The following DYM variants were observed in gnomAD, a reference collection of about 807,000 sequenced individuals.
DYM encodes the protein dymeclin, also known as dyggve-Melchior-Clausen syndrome protein.
In DYM, 78 loss-of-function variants were observed where a neutral mutation model predicts 93.1. The ratio of observed to expected loss-of-function variants is 0.84; its 90% CI spans 0.70 to 1.01. The LOEUF (loss-of-function observed/expected upper bound fraction) is 1.01, where lower values mean the gene tolerates loss of function less well. Ranked by LOEUF, DYM falls within the 50% of genes least tolerant of loss-of-function variation. DYM has a pLI of 0.00. For synonymous variants in DYM, 321 were observed against 319.7 expected (o/e 1.00, Z -0.04); for missense variants, 789 against 845.0 (o/e 0.93, Z 0.82).
intron 14 of DYM, among the ~76,000 whole-genome samples, chr18:49,185,945 C>T (rs567575074): frequency 2.0e-4 from 31 of 152,268 alleles, no homozygotes; most frequent in African/African-American, 7.0e-4. Flanking sequence ...AAATCTGACA[C>T]CTTCCTGTTT....
intron 3 of DYM, among the ~76,000 whole-genome samples, chr18:49,386,240 T>C (rs1027932828): frequency 1.3e-5 from 2 of 152,002 alleles, no homozygotes; most frequent in Non-Finnish European, 2.9e-5. Flanking sequence ...CAGAAGGCAG[T>C]AGAATAATAT....
intron 2 of DYM, among the ~76,000 whole-genome samples, chr18:49,414,331 GA>G (rs1251503630): frequency 1.3e-5 from 2 of 151,864 alleles, no homozygotes; most frequent in African/African-American, 2.4e-5. Context: ...AGGACCAGAC[GA>G]AAAAACAATA....
rs185992859 is a variant in DYM, at chr18:49,103,292, A to T, written c.1912-5777T>A. Among the ~76,000 whole-genome samples, 794 of 152,120 alleles carry T rather than the reference A, an allele frequency of 5.2e-3. 7 individuals carry two copies. Among genetic ancestry groups the T allele is most frequent in the African/African-American group, 0.018 (763 of 41,478 alleles). ...TTTTCTTGTAAATTTGTTTGAGTTC[A>T]TTGTAGATTCTGGATATTAGCCCCT... is the stretch of plus-strand genomic sequence containing the variant. On this transcript the variant is annotated intron_variant, in intron 16 of 17. Transcript: ENST00000675505.
At chr18:49,312,660 C>T (rs1292503361) in intron 8 of DYM, among the ~76,000 whole-genome samples, 2 of 152,118 alleles carry the variant, frequency 1.3e-5, no homozygotes, top group Admixed American at 6.5e-5. Context: ...TCTTCTTGGG[C>T]ATGGTACGAG....
At chr18:49,159,543 A>G (rs943773872) in intron 15 of DYM, among the ~76,000 whole-genome samples, 2 of 152,224 alleles carry the variant, frequency 1.3e-5, no homozygotes, top group African/African-American at 4.8e-5. Flanking sequence ...GATGAAAATA[A>G]ATTTCATATG....
intron 16 of DYM, among the ~76,000 whole-genome samples, chr18:49,102,601 G>A (rs915589129): frequency 4.6e-5 from 7 of 152,072 alleles, no homozygotes; most frequent in African/African-American, 1.2e-4. Context: ...AGTGTGTGAC[G>A]TTCCCCTTCC....
intron 2 of DYM, among the ~76,000 whole-genome samples, chr18:49,402,358 G>A (rs763004995): frequency 9.9e-5 from 15 of 152,150 alleles, no homozygotes; most frequent in Non-Finnish European, 1.8e-4. Context: ...GCAGCAAGAT[G>A]GTCAGGGCAT....
At chr18:49,152,418 C>A (rs1007804556) in intron 15 of DYM, among the ~76,000 whole-genome samples, 3 of 152,024 alleles carry the variant, frequency 2.0e-5, no homozygotes, top group African/African-American at 7.3e-5. Context: ...AACACAAGCA[C>A]GAAAATTGGT....
At chr18:49,379,871 T>G in intron 3 of DYM, 113 bp from the exon 4 acceptor site, 1 of 812,338 alleles carries the variant, frequency 1.2e-6, no homozygotes, top group Non-Finnish European at 2.1e-6. Context: ...AGTGACCAAC[T>G]TTACTGTTAA....
At chr18:49,193,615 G>T (rs577544827) in intron 14 of DYM, among the ~76,000 whole-genome samples, 2 of 152,180 alleles carry the variant, frequency 1.3e-5, no homozygotes, top group Non-Finnish European at 2.9e-5. Context: ...TTTAAAAATA[G>T]AAGAAGCTAT....
chr18:49,199,849 A>AT (rs943807284), intron 14 of DYM, among the ~76,000 whole-genome samples: 11 of 152,124 alleles, frequency 7.2e-5, no homozygotes, highest in East Asian at 1.9e-4. Context: ...ACCAGATGTG[A>AT]TTTTTTTTAA....
chr18:49,249,216 C>A (rs1309195348), intron 13 of DYM, among the ~76,000 whole-genome samples: 1 of 152,144 alleles, frequency 6.6e-6, no homozygotes, highest in Non-Finnish European at 1.5e-5. Flanking sequence ...ACTGTCTAAA[C>A]CTCCAGACTT....
intron 13 of DYM, among the ~76,000 whole-genome samples, chr18:49,216,764 C>T (rs568605825): frequency 6.6e-6 from 1 of 152,104 alleles, no homozygotes; most frequent in Admixed American, 6.5e-5. Context: ...ACATCACCAT[C>T]ATCAAAGACC....
At chr18:49,230,556 G>A (rs1397774039) in intron 13 of DYM, among the ~76,000 whole-genome samples, 1 of 152,032 alleles carries the variant, frequency 6.6e-6, no homozygotes, top group East Asian at 1.9e-4. Flanking sequence ...AATGAGATAA[G>A]TTCCTGAGAA....
intron 15 of DYM, among the ~76,000 whole-genome samples, chr18:49,143,935 G>A (rs926353417): frequency 3.3e-5 from 5 of 151,942 alleles, no homozygotes; most frequent in African/African-American, 1.2e-4. Context: ...AAATATATTG[G>A]TTAAGTATCT....
intron 13 of DYM, among the ~76,000 whole-genome samples, chr18:49,221,466 T>C (rs1024611378): frequency 7.2e-5 from 11 of 152,244 alleles, no homozygotes; most frequent in East Asian, 1.9e-4. Flanking sequence ...CGTATGTTTA[T>C]TGCAGCACTA....
At chr18:49,409,627 A>C (rs2071973027) in intron 2 of DYM, among the ~76,000 whole-genome samples, 1 of 152,240 alleles carries the variant, frequency 6.6e-6, no homozygotes, top group African/African-American at 2.4e-5. Context: ...TGGCAAATTA[A>C]TAAGGAAAAA....
chr18:49,332,474 C>A (rs1016582663), intron 7 of DYM, among the ~76,000 whole-genome samples: 2 of 152,054 alleles, frequency 1.3e-5, no homozygotes, highest in African/African-American at 4.8e-5. Flanking sequence ...AAATTTAGTG[C>A]ATAACACATT....
Position 49,430,259 on chromosome 18 carries a change from T to C in DYM, c.136A>G (p.Ser46Gly), listed in dbSNP as rs1354830568. 6.2e-7 allele frequency: 1 copy of C among 1,613,886 alleles called. No homozygotes were observed. The highest frequency in any genetic ancestry group is 1.7e-5 in the Admixed American group (1 of 60,018). ...AATCTCCAGGCAATCTCTTACCTGC[T>C]AGTTGGTGCAGGGAAAGAAAATGAG... ...LLSFSFPAPT[S>G]SSELKLLEEA... The change falls in exon 2 of 18, where the codon AGC becomes GGC. Residue 46 changes from serine to glycine, a missense_variant. Around this residue, in one of 3 missense-constraint regions of DYM, gnomAD observed 450 missense variants for 436.2 expected, o/e 1.03. Transcript: ENST00000675505.
Sources: gnomAD v4.1 joint callset for allele counts (sites outside exome capture counted in the v4.1 genomes callset) on GRCh38, gnomAD v4.1.1 for gene constraint, gnomAD v4.1.1 regional missense constraint, MANE v1.5 for transcripts, NCBI Gene and HGNC (gene_info 2026-07-23, HGNC 2026-07-21) for gene names.